The following PDE4B variants were observed in gnomAD, a reference collection of about 807,000 sequenced individuals.
The protein encoded by PDE4B is phosphodiesterase 4B, also known as 3',5'-cyclic-AMP phosphodiesterase 4B.
A neutral mutation model predicts 82.2 loss-of-function variants in PDE4B; 20 were observed. The observed-to-expected ratio is 0.24, with a 90% CI of 0.17 to 0.35. The LOEUF is 0.35. Ranked by LOEUF, PDE4B falls within the 10% of genes least tolerant of loss-of-function variation. PDE4B has a pLI of 1.00. For missense variants in PDE4B, 655 were observed against 907.2 expected (o/e 0.72, Z 3.57); for synonymous variants, 320 against 318.9 (o/e 1.00, Z -0.04).
chr1:66,074,836 A>G (rs1379455492), intron 3 of PDE4B, among the ~76,000 whole-genome samples: 2 of 152,126 alleles, frequency 1.3e-5, no homozygotes, highest in African/African-American at 2.4e-5. Context: ...ATGGCTGAAT[A>G]ATATTTAATG....
intron 3 of PDE4B, among the ~76,000 whole-genome samples, chr1:66,042,252 AG>A (rs1654429006): frequency 6.6e-6 from 1 of 151,860 alleles, no homozygotes; most frequent in African/African-American, 2.4e-5. Flanking sequence ...TTCAGCCCCA[AG>A]ATAGCATGTT....
intron 1 of PDE4B, among the ~76,000 whole-genome samples, chr1:65,803,140 A>T (rs1645716126): frequency 6.6e-6 from 1 of 152,170 alleles, no homozygotes; most frequent in South Asian, 2.1e-4. Context: ...TATTGACAAA[A>T]ATATCCTTCA....
At chr1:65,901,414 G>T (rs938371836) in intron 1 of PDE4B, among the ~76,000 whole-genome samples, 1 of 151,958 alleles carries the variant, frequency 6.6e-6, no homozygotes, top group Non-Finnish European at 1.5e-5. Context: ...TAGTTTTATT[G>T]TTGTGCCTTT....
intron 3 of PDE4B, among the ~76,000 whole-genome samples, chr1:66,169,023 T>C (rs916908938): frequency 2.6e-5 from 4 of 152,178 alleles, no homozygotes; most frequent in Admixed American, 2.6e-4. Flanking sequence ...GGAAGATAAA[T>C]GACACTGTGC....
chr1:66,236,094 T>C (rs114051620), intron 3 of PDE4B, among the ~76,000 whole-genome samples: 71 of 152,336 alleles, frequency 4.7e-4, no homozygotes, highest in African/African-American at 1.6e-3. Flanking sequence ...CGGTTCATTA[T>C]ATGCTTTTTC....
At chr1:66,177,505 T>TC (rs1249153652) in intron 3 of PDE4B, among the ~76,000 whole-genome samples, 1 of 152,242 alleles carries the variant, frequency 6.6e-6, no homozygotes, top group African/African-American at 2.4e-5. Flanking sequence ...TCTTTGACCC[T>TC]CTTACCTCCT....
intron 3 of PDE4B, among the ~76,000 whole-genome samples, chr1:66,158,059 T>G (rs1036431259): frequency 1.3e-5 from 2 of 152,208 alleles, no homozygotes; most frequent in Non-Finnish European, 2.9e-5. Context: ...TCATCTCCAT[T>G]GGTACAGAAG....
At chr1:66,204,437 C>A (rs527971072) in intron 3 of PDE4B, among the ~76,000 whole-genome samples, 81 of 152,312 alleles carry the variant, frequency 5.3e-4, no homozygotes, top group African/African-American at 1.7e-3. Flanking sequence ...CTGTGCCCTG[C>A]CCCCATAGGT....
chr1:66,300,130 T>G (rs1289892556), intron 7 of PDE4B, among the ~76,000 whole-genome samples: 1 of 152,196 alleles, frequency 6.6e-6, no homozygotes, highest in Admixed American at 6.5e-5. Context: ...AAAGGTTCTA[T>G]TTTATTCTCA....
chr1:65,806,742 G>C (rs1263041964), intron 1 of PDE4B, among the ~76,000 whole-genome samples: 1 of 152,138 alleles, frequency 6.6e-6, no homozygotes, highest in Non-Finnish European at 1.5e-5. Flanking sequence ...TTCATTACAG[G>C]TATATGATTT....
intron 9 of PDE4B, among the ~76,000 whole-genome samples, chr1:66,361,070 A>G (rs1353404567): frequency 6.6e-6 from 1 of 152,206 alleles, no homozygotes; most frequent in African/African-American, 2.4e-5. Flanking sequence ...TTATATTTCT[A>G]ACATATATAC....
rs148489120 is a variant in PDE4B, at chr1:66,107,507, A to G, written c.282-139953A>G. 4.4e-3 allele frequency among the ~76,000 whole-genome samples: 538 copies of G among 123,580 alleles called. 5 individuals are homozygous for G. Among genetic ancestry groups the G allele is most frequent in the African/African-American group, 0.013 (509 of 37,724 alleles). 81.1% of individuals were successfully genotyped at this position (123,580 alleles called of 152,430 possible). A position where few individuals can be genotyped will look rare whatever the true frequency, so the allele number is the denominator to read the frequency against. ...CTGTTCACATAATTTAGGAAACAGC[A>G]AAACAAAACAAACAAAAAAAAAAAC... is the stretch of plus-strand genomic sequence containing the variant. On this transcript the variant is annotated intron_variant, in intron 3 of 16. Transcript: ENST00000341517.
chr1:66,246,821 T>A (rs922924782), intron 3 of PDE4B, among the ~76,000 whole-genome samples: 1 of 152,192 alleles, frequency 6.6e-6, no homozygotes, highest in Non-Finnish European at 1.5e-5. Flanking sequence ...TCTGCAGCCT[T>A]GGAGAGTAAT....
intron 3 of PDE4B, among the ~76,000 whole-genome samples, chr1:66,130,171 A>G (rs1645911428): frequency 6.6e-6 from 1 of 152,222 alleles, no homozygotes; most frequent in African/African-American, 2.4e-5. Flanking sequence ...TTGATTTGTG[A>G]AATGGCAACA....
At chr1:65,948,855 A>G (rs954931807) in intron 3 of PDE4B, among the ~76,000 whole-genome samples, 1 of 152,100 alleles carries the variant, frequency 6.6e-6, no homozygotes, top group Non-Finnish European at 1.5e-5. Flanking sequence ...GAACTGGCTC[A>G]GGCCTAAAAG....
At chr1:65,949,421 A>G (rs916878068) in intron 3 of PDE4B, among the ~76,000 whole-genome samples, 1 of 152,070 alleles carries the variant, frequency 6.6e-6, no homozygotes, top group South Asian at 2.1e-4. Context: ...AGTTAATTGT[A>G]TCAGCTGATT....
At chr1:66,083,658 C>T (rs1175067669) in intron 3 of PDE4B, among the ~76,000 whole-genome samples, 1 of 152,076 alleles carries the variant, frequency 6.6e-6, no homozygotes, top group African/African-American at 2.4e-5. Flanking sequence ...GCTCATTTGA[C>T]CCAGAATGTT....
chr1:65,816,190 AGTGTGTGT>A (rs139330007), intron 1 of PDE4B, among the ~76,000 whole-genome samples: 15 of 132,792 alleles, frequency 1.1e-4, no homozygotes, highest in South Asian at 2.6e-4. Flanking sequence ...TTATTAATGC[AGTGTGTGT>A]GTGTGTGTGT....
In PDE4B at chr1:66,146,173, C is replaced by CTTT. The variant is rs36027532; in HGVS notation, c.282-101261_282-101259dup. On this transcript the variant is annotated intron_variant, in intron 3 of 16. Transcript: ENST00000341517. ...AGAAGGCCATTGCCTGGGTAGCATG[C>CTTT]TTTTTTTTTTTTTTTTTTTTTTTTT... 6.8e-3 allele frequency among the ~76,000 whole-genome samples: 334 copies of CTTT among 49,246 alleles called. 82 individuals are homozygous for CTTT. Among genetic ancestry groups the CTTT allele is most frequent in the Middle Eastern group, 0.028 (1 of 36 alleles). 32.3% of individuals were successfully genotyped at this position (49,246 alleles called of 152,430 possible). A position where few individuals can be genotyped will look rare whatever the true frequency, so the allele number is the denominator to read the frequency against.
Sources: allele counts gnomAD v4.1 joint callset (sites outside exome capture counted in the v4.1 genomes callset), GRCh38; gene constraint gnomAD v4.1.1; transcripts MANE v1.5; gene names NCBI Gene and HGNC (gene_info 2026-07-23, HGNC 2026-07-21).